The following SMCO4 variants were observed in gnomAD, a reference collection of about 807,000 sequenced individuals.
The protein encoded by SMCO4 is single-pass membrane and coiled-coil domain-containing protein 4.
In SMCO4, 4 loss-of-function variants were observed where a neutral mutation model predicts 3.6. The observed-to-expected ratio is 1.11, with a 90% CI of 0.54 to 2.53. The LOEUF (loss-of-function observed/expected upper bound fraction) is 2.53, where lower values mean the gene tolerates loss of function less well. Ranked by LOEUF, SMCO4 falls within the 30% of genes most tolerant of loss-of-function variation. SMCO4 has a pLI of 0.02. For synonymous variants in SMCO4, 36 were observed against 35.3 expected, an observed-to-expected ratio of 1.02 and a Z score of -0.07; for missense variants, 70 against 80.8, an observed-to-expected ratio of 0.87 and a Z score of 0.51.
At chr11:93,549,753 T>C in the SMCO4 span, among the ~76,000 whole-genome samples, 1 of 152,114 alleles carries the variant, frequency 6.6e-6, no homozygotes, top group East Asian at 1.9e-4. Flanking sequence ...ACCATCATGT[T>C]TGGCCAAGAG....
At chr11:93,518,271 A>C (rs1285125824) in intron 1 of SMCO4, among the ~76,000 whole-genome samples, 1 of 152,244 alleles carries the variant, frequency 6.6e-6, no homozygotes, top group Non-Finnish European at 1.5e-5. Flanking sequence ...TGTGGCATAC[A>C]TCTGTACATC....
chr11:93,483,977 T>C (rs1948620524), intron 2 of SMCO4, among the ~76,000 whole-genome samples: 1 of 152,172 alleles, frequency 6.6e-6, no homozygotes, highest in Admixed American at 6.5e-5. Context: ...AGCAAGCAGC[T>C]CAGGCAGGAT....
In SMCO4 at chr11:93,535,218, G is replaced by A. The variant is rs188056795; in HGVS notation, c.-154+8058C>T. On this transcript the variant is annotated intron_variant, in intron 1 of 2. Transcript: ENST00000298966. ...TGTCCTATTACCATAACTAGCATCC[G>A]GGAGAAACAGAGAATGTGAAATCAG... Among the ~76,000 whole-genome samples, 133 of 152,218 alleles carry A rather than the reference G, an allele frequency of 8.7e-4. 2 individuals carry two copies. The highest frequency in any genetic ancestry group is 8.5e-3 in the Admixed American group (130 of 15,298).
intron 1 of SMCO4, among the ~76,000 whole-genome samples, chr11:93,543,072 A>G (rs1949284848): frequency 6.6e-6 from 1 of 151,450 alleles, no homozygotes; most frequent in African/African-American, 2.4e-5. Flanking sequence ...TCGGGCCCCC[A>G]ACCCCGCCCG....
At chr11:93,539,512 G>A (rs562906452) in intron 1 of SMCO4, among the ~76,000 whole-genome samples, 1 of 152,310 alleles carries the variant, frequency 6.6e-6, no homozygotes, top group East Asian at 1.9e-4. Flanking sequence ...AGCTCACAAA[G>A]ACGACACTTC....
chr11:93,528,027 G>A (rs1343477076), intron 1 of SMCO4, among the ~76,000 whole-genome samples: 1 of 151,850 alleles, frequency 6.6e-6, no homozygotes, highest in African/African-American at 2.4e-5. Context: ...ACATTGTCTG[G>A]CACATACTAA....
intron 1 of SMCO4, among the ~76,000 whole-genome samples, chr11:93,507,681 G>T (rs11020388): frequency 0.16 from 25,022 of 152,200 alleles, 2,127 homozygotes; most frequent in South Asian, 0.19. Context: ...TGGTTTCAGA[G>T]TCTATGTTGC....
the SMCO4 span, among the ~76,000 whole-genome samples, chr11:93,548,681 G>A: frequency 6.6e-6 from 1 of 152,348 alleles, no homozygotes; most frequent in East Asian, 1.9e-4. Context: ...TACCAGTGGA[G>A]GGTCCAGGTT....
intron 1 of SMCO4, among the ~76,000 whole-genome samples, chr11:93,514,101 G>A (rs778873445): frequency 6.6e-6 from 1 of 151,950 alleles, no homozygotes; most frequent in Non-Finnish European, 1.5e-5. Context: ...CTGAATGAAT[G>A]GTCATGATTC....
At chr11:93,511,664 C>T (rs1483858156) in intron 1 of SMCO4, among the ~76,000 whole-genome samples, 1 of 152,160 alleles carries the variant, frequency 6.6e-6, no homozygotes, top group Non-Finnish European at 1.5e-5. Context: ...GTGTGCTTAT[C>T]ACCTTGTGCC....
upstream of SMCO4, among the ~76,000 whole-genome samples, chr11:93,547,301 G>A (rs1368557241): frequency 1.3e-5 from 2 of 152,164 alleles, no homozygotes; most frequent in Non-Finnish European, 2.9e-5. Flanking sequence ...GAGAAGAACA[G>A]GACACCTTGA....
rs141099921 is a variant in SMCO4, at chr11:93,508,185, G to T, written c.-153-8837C>A. Among the ~76,000 whole-genome samples, 106 of 152,262 alleles carry T rather than the reference G, an allele frequency of 7.0e-4. 1 individual carries two copies. The highest frequency in any genetic ancestry group is 2.4e-3 in the African/African-American group (101 of 41,548). The stretch of plus-strand genomic sequence containing the variant: ...ATAAAGGGGTCCTGAAACCAATTGT[G>T]GAGAACTGCTGAGCTAGTGTCGTAG... On this transcript the variant is annotated intron_variant, in intron 1 of 2. Transcript: ENST00000298966.
intron 1 of SMCO4, among the ~76,000 whole-genome samples, chr11:93,506,746 T>G (rs1948907769): frequency 1.3e-5 from 2 of 152,204 alleles, no homozygotes; most frequent in African/African-American, 2.4e-5. Flanking sequence ...TGTCCTTAGC[T>G]AAGCGTGTCC....
Position 93,505,173 on chromosome 11 carries a change from GGCAGAACGT to G in SMCO4, c.-153-5834_-153-5826del. On this transcript the variant is annotated intron_variant, in intron 1 of 2. Transcript: ENST00000298966. ...TCTGGATCACAGAGCTGCTAGCAGT[GGCAGAACGT>G]TGAGAGGAAGACCTAAATGGGCCTG... is the stretch of plus-strand genomic sequence containing the variant. Among the ~76,000 whole-genome samples the G allele has an allele frequency of 2.0e-5, 3 of 152,286 alleles. No homozygotes were observed. The Middle Eastern group carries it at 0.01, about 518-fold the overall frequency.
chr11:93,479,850 G>A (rs1037329274), intron 2 of SMCO4, among the ~76,000 whole-genome samples: 1 of 152,144 alleles, frequency 6.6e-6, no homozygotes, highest in African/African-American at 2.4e-5. Context: ...CATTACTCAA[G>A]GAGCTGAGGA....
At chr11:93,489,797 C>G (rs989559395) in intron 2 of SMCO4, among the ~76,000 whole-genome samples, 3 of 148,164 alleles carry the variant, frequency 2.0e-5, no homozygotes, top group African/African-American at 7.4e-5. Flanking sequence ...CCCCACACCT[C>G]TCCCCCTCCA....
At chr11:93,491,596 A>C (rs145653804) in intron 2 of SMCO4, among the ~76,000 whole-genome samples, 29 of 152,342 alleles carry the variant, frequency 1.9e-4, no homozygotes, top group Admixed American at 3.3e-4. Context: ...AGACACAGTC[A>C]AACCTAGGCA....
chr11:93,481,048 A>AC, intron 2 of SMCO4, among the ~76,000 whole-genome samples: 1 of 151,822 alleles, frequency 6.6e-6, no homozygotes, highest in Non-Finnish European at 1.5e-5. Flanking sequence ...GAGAGAAAAA[A>AC]AAAAACACCT....
chr11:93,497,635 G>A (rs1039511695), intron 2 of SMCO4, among the ~76,000 whole-genome samples: 1 of 151,662 alleles, frequency 6.6e-6, no homozygotes, highest in African/African-American at 2.4e-5. Context: ...CTTCCAAAGG[G>A]GGGTACCAAG....
Sources: gnomAD v4.1 joint callset for allele counts (sites outside exome capture counted in the v4.1 genomes callset) on GRCh38, gnomAD v4.1.1 for gene constraint, MANE v1.5 for transcripts, NCBI Gene and HGNC (gene_info 2026-07-23, HGNC 2026-07-21) for gene names.